The following ESR1 variants were observed in gnomAD, a reference collection of about 807,000 sequenced individuals.
The protein encoded by ESR1 is estrogen receptor 1.
A neutral mutation model predicts 52.7 loss-of-function variants in ESR1; 12 were observed. The observed-to-expected ratio is 0.23, with a 90% CI of 0.15 to 0.37. ESR1 has a LOEUF of 0.37. Among genes scored for constraint, ESR1 ranks in the 10% least tolerant of loss-of-function variants. ESR1 has a pLI of 1.00. For synonymous variants in ESR1, 305 were observed against 316.8 expected (o/e 0.96, Z 0.39); for missense variants, 584 against 779.7 (o/e 0.75, Z 2.99).
chr6:151,917,804 G>A (rs1022249413), intron 3 of ESR1, among the ~76,000 whole-genome samples: 1 of 152,176 alleles, frequency 6.6e-6, no homozygotes, highest in Admixed American at 6.6e-5. Context: ...GGAAAGGAAC[G>A]TTGCAGTAAC....
At chr6:151,985,126 C>G (rs984485052) in intron 4 of ESR1, among the ~76,000 whole-genome samples, 4 of 152,044 alleles carry the variant, frequency 2.6e-5, no homozygotes, top group African/African-American at 9.7e-5. Flanking sequence ...TGTGCTCCTT[C>G]CTGCAACTGG....
intron 2 of ESR1, among the ~76,000 whole-genome samples, chr6:151,853,371 A>G (rs1787240755): frequency 6.6e-6 from 1 of 152,028 alleles, no homozygotes; most frequent in Non-Finnish European, 1.5e-5. Flanking sequence ...TGACATCCCC[A>G]GTGTTAAGTG....
chr6:151,897,493 A>G (rs1795728720), intron 3 of ESR1, among the ~76,000 whole-genome samples: 1 of 152,200 alleles, frequency 6.6e-6, no homozygotes, highest in Admixed American at 6.5e-5. Flanking sequence ...TGATATAAGA[A>G]TAGCTACTCC....
chr6:151,921,399 A>G (rs2031640546), intron 3 of ESR1, among the ~76,000 whole-genome samples: 1 of 152,284 alleles, frequency 6.6e-6, no homozygotes, highest in Non-Finnish European at 1.5e-5. Context: ...GAACATATGC[A>G]TACATGTATC....
intron 2 of ESR1, among the ~76,000 whole-genome samples, chr6:151,728,547 T>C (rs1011020940): frequency 9.8e-5 from 15 of 152,370 alleles, no homozygotes; most frequent in African/African-American, 2.6e-4. Context: ...TTGGCAGCTT[T>C]GTGGAGGTAT....
At chr6:151,728,058 A>AT (rs1005827572) in intron 2 of ESR1, among the ~76,000 whole-genome samples, 10 of 152,032 alleles carry the variant, frequency 6.6e-5, no homozygotes, top group Middle Eastern at 3.2e-3. Context: ...GGGAGAGGAG[A>AT]TTTTTTTCTC....
intron 2 of ESR1, among the ~76,000 whole-genome samples, chr6:151,853,815 A>G (rs1272445876): frequency 2.0e-5 from 3 of 152,214 alleles, no homozygotes; most frequent in Admixed American, 1.3e-4. Context: ...TGGTCATGCC[A>G]TTGACTATTT....
At chr6:151,903,814 T>C (rs552120742) in intron 3 of ESR1, among the ~76,000 whole-genome samples, 1 of 152,354 alleles carries the variant, frequency 6.6e-6, no homozygotes, top group East Asian at 1.9e-4. Flanking sequence ...TATAGGATTA[T>C]ATTCCATGTT....
intron 5 of ESR1, among the ~76,000 whole-genome samples, chr6:152,016,202 C>T (rs548249875): frequency 6.6e-6 from 1 of 152,258 alleles, no homozygotes; most frequent in African/African-American, 2.4e-5. Context: ...GAGGCCTCCT[C>T]AGCCATGTGG....
intron 1 of ESR1, among the ~76,000 whole-genome samples, chr6:151,675,174 G>A (rs2115269973): frequency 6.6e-6 from 1 of 152,318 alleles, no homozygotes; most frequent in East Asian, 1.9e-4. Context: ...AAAATAACAA[G>A]TGTTTCTAGT....
At chr6:151,866,390 C>T (rs1268497422) in intron 2 of ESR1, among the ~76,000 whole-genome samples, 1 of 151,886 alleles carries the variant, frequency 6.6e-6, no homozygotes, top group Non-Finnish European at 1.5e-5. Flanking sequence ...AGGTTAGTTA[C>T]GTAGGTATAC....
chr6:151,865,266 A>ATT (rs1789674660), intron 2 of ESR1, among the ~76,000 whole-genome samples: 1 of 152,176 alleles, frequency 6.6e-6, no homozygotes, highest in Non-Finnish European at 1.5e-5. Context: ...AATAATGTGT[A>ATT]TTGGAGATCT....
intron 2 of ESR1, among the ~76,000 whole-genome samples, chr6:151,863,874 C>A (rs1039037486): frequency 6.6e-6 from 1 of 152,136 alleles, no homozygotes; most frequent in Non-Finnish European, 1.5e-5. Flanking sequence ...AAAGCTGAAA[C>A]TGGATCACTT....
At position 152,098,911 on chromosome 6, in the gene ESR1, C is replaced by T. The variant is rs781018265; in HGVS notation, c.1733C>T (p.Ser578Phe). The T allele has an allele frequency of 2.5e-6, 4 of 1,614,214 alleles. No homozygotes were observed. The South Asian group carries it at 4.4e-5, about 18-fold the overall frequency. ...LATAGSTSSH[S>F]LQKYYITGEA... ...ACTGCGGGCTCTACTTCATCGCATT[C>T]CTTGCAAAAGTATTACATCACGGGG... Residue 578 changes from serine to phenylalanine, a missense_variant, in exon 8 of 8, where the codon TCC becomes TTC. By Grantham distance (155) the Ser-to-Phe change is radical (BLOSUM62 -2). This residue lies in a region of ESR1 where 71 missense variants were observed against 66.1 expected (regional missense o/e 1.07). Coordinates refer to ENST00000206249, the MANE Select transcript of ESR1 (RefSeq NM_000125.4). This position sits in a 1 kb window ranked among gnomAD's most constrained non-coding sequence, Gnocchi z 5.1.
intron 3 of ESR1, among the ~76,000 whole-genome samples, chr6:151,939,913 A>T (rs1175082384): frequency 6.6e-6 from 1 of 152,174 alleles, no homozygotes; most frequent in Non-Finnish European, 1.5e-5. Flanking sequence ...AAAACAAAAA[A>T]CAATAATATT....
intron 5 of ESR1, among the ~76,000 whole-genome samples, chr6:152,060,553 C>G (rs962810812): frequency 6.6e-6 from 1 of 152,202 alleles, no homozygotes; most frequent in Non-Finnish European, 1.5e-5. Context: ...ACCATCAGGA[C>G]TTGTTACATT....
intron 2 of ESR1, among the ~76,000 whole-genome samples, chr6:151,768,595 G>C (rs541441764): frequency 6.0e-4 from 92 of 152,238 alleles, no homozygotes; most frequent in Non-Finnish European, 1.1e-3. Flanking sequence ...CTGGGGTTAA[G>C]TTAAAACATA....
chr6:152,034,790 T>C (rs1330745660), intron 5 of ESR1, among the ~76,000 whole-genome samples: 1 of 152,188 alleles, frequency 6.6e-6, no homozygotes, highest in African/African-American at 2.4e-5. Context: ...AACGAGGTTT[T>C]TACTAACGAC....
intron 3 of ESR1, among the ~76,000 whole-genome samples, chr6:151,943,586 C>T (rs1359577451): frequency 2.0e-5 from 3 of 152,122 alleles, no homozygotes; most frequent in Non-Finnish European, 4.4e-5. Context: ...CAGTGAAGGA[C>T]TTAGCACCCC....
Sources: gnomAD v4.1 joint callset for allele counts (sites outside exome capture counted in the v4.1 genomes callset) on GRCh38, gnomAD v4.1.1 for gene constraint, gnomAD v4.1.1 regional missense constraint, Gnocchi (gnomAD v3.1) non-coding constraint, MANE v1.5 for transcripts, NCBI Gene and HGNC (gene_info 2026-07-23, HGNC 2026-07-21) for gene names.